The following PAM variants were observed in gnomAD, a reference collection of about 807,000 sequenced individuals.
PAM encodes peptidyl-glycine alpha-amidating monooxygenase.
In PAM, 72 loss-of-function variants were observed where a neutral mutation model predicts 122.1. The ratio of observed to expected loss-of-function variants is 0.59; its 90% CI spans 0.49 to 0.72. The LOEUF is 0.72. Among genes scored for constraint, PAM ranks in the 30% least tolerant of loss-of-function variants. PAM has a pLI of 0.00. For synonymous variants in PAM, 389 were observed against 404.4 expected (o/e 0.96, Z 0.46); for missense variants, 1,106 against 1,183.7 (o/e 0.93, Z 0.96).
At chr5:103,011,031 GA>G (rs1780440708) in intron 21 of PAM, among the ~76,000 whole-genome samples, 1 of 152,036 alleles carries the variant, frequency 6.6e-6, no homozygotes, top group Admixed American at 6.6e-5. Context: ...TATTCATTCT[GA>G]TTTTTTTAAA....
At chr5:102,788,067 C>T (rs1761046603) in intron 1 of PAM, among the ~76,000 whole-genome samples, 1 of 152,098 alleles carries the variant, frequency 6.6e-6, no homozygotes, top group East Asian at 1.9e-4. Flanking sequence ...CACTTGCACT[C>T]ACACAGCTCC....
chr5:102,815,465 T>A (rs1222569112), intron 1 of PAM, among the ~76,000 whole-genome samples: 3 of 152,176 alleles, frequency 2.0e-5, no homozygotes, highest in African/African-American at 7.2e-5. Context: ...ATTACTAGTT[T>A]ATCCTTTTCA....
At chr5:102,804,106 GA>G (rs986029343) in intron 1 of PAM, among the ~76,000 whole-genome samples, 1 of 152,126 alleles carries the variant, frequency 6.6e-6, no homozygotes, top group Admixed American at 6.5e-5. Flanking sequence ...CTGGAGGAGG[GA>G]AAGTATGGGG....
chr5:102,893,298 T>C (rs1467184654), intron 3 of PAM, among the ~76,000 whole-genome samples: 1 of 151,806 alleles, frequency 6.6e-6, no homozygotes, highest in Non-Finnish European at 1.5e-5. Context: ...GAATTTCTTT[T>C]ACTTCTTCCT....
intron 1 of PAM, among the ~76,000 whole-genome samples, chr5:102,809,444 G>A (rs1262858233): frequency 6.6e-6 from 1 of 151,454 alleles, no homozygotes; most frequent in Non-Finnish European, 1.5e-5. Flanking sequence ...TTAATTAATA[G>A]ATAGCTTTGC....
At chr5:102,959,691 T>C (rs566431414) in intron 12 of PAM, among the ~76,000 whole-genome samples, 184 bp from the exon 13 acceptor site, 9 of 152,286 alleles carry the variant, frequency 5.9e-5, no homozygotes, top group African/African-American at 2.2e-4. Flanking sequence ...AGTGGAAATA[T>C]GCCTTTGACA....
intron 1 of PAM, among the ~76,000 whole-genome samples, chr5:102,792,074 T>C (rs973001840): frequency 6.6e-6 from 1 of 152,316 alleles, no homozygotes; most frequent in Middle Eastern, 3.4e-3. Flanking sequence ...TTTGACAAAC[T>C]CTTTGATCCT....
chr5:102,891,079 A>G (rs1321978418), intron 3 of PAM, among the ~76,000 whole-genome samples: 2 of 151,938 alleles, frequency 1.3e-5, no homozygotes, highest in African/African-American at 2.4e-5. Flanking sequence ...AAATGACTCA[A>G]TGCTCTAGAG....
At chr5:103,019,203 A>G (rs573983462) in intron 22 of PAM, among the ~76,000 whole-genome samples, 2 of 152,330 alleles carry the variant, frequency 1.3e-5, no homozygotes, top group African/African-American at 4.8e-5. Flanking sequence ...AAGAAGAGGA[A>G]TAATATTATG....
At chr5:102,911,352 G>C (rs1801341234) in intron 4 of PAM, among the ~76,000 whole-genome samples, 1 of 151,826 alleles carries the variant, frequency 6.6e-6, no homozygotes, top group African/African-American at 2.4e-5. Flanking sequence ...TTTTGTGAAA[G>C]GAAACTCTGA....
intron 3 of PAM, among the ~76,000 whole-genome samples, chr5:102,883,026 A>G (rs556121555): frequency 4.5e-4 from 68 of 151,630 alleles, no homozygotes; most frequent in African/African-American, 1.6e-3. Context: ...TCAGTTGACT[A>G]TAAGTATTTG....
chr5:102,802,355 G>A (rs1453844215), intron 1 of PAM, among the ~76,000 whole-genome samples: 1 of 152,116 alleles, frequency 6.6e-6, no homozygotes, highest in Non-Finnish European at 1.5e-5. Flanking sequence ...TCTTGGGTGA[G>A]TTCAGAGCTA....
intron 1 of PAM, among the ~76,000 whole-genome samples, chr5:102,833,586 C>T (rs1467162209): frequency 1.3e-5 from 2 of 152,140 alleles, no homozygotes; most frequent in Non-Finnish European, 2.9e-5. Flanking sequence ...GTATGTTTGA[C>T]ACCAGGGCTC....
chr5:102,925,119 T>C, intron 6 of PAM, 77 bp downstream of exon 6: 2 of 803,920 alleles, frequency 2.5e-6, no homozygotes, highest in South Asian at 2.7e-5. Flanking sequence ...ATTATAGTCC[T>C]TTCTAACCAG....
intron 3 of PAM, among the ~76,000 whole-genome samples, chr5:102,899,179 G>T (rs1016551596): frequency 6.6e-6 from 1 of 151,504 alleles, no homozygotes; most frequent in Non-Finnish European, 1.5e-5. Flanking sequence ...CAAGTTGTAA[G>T]CCAAAAAATA....
intron 1 of PAM, among the ~76,000 whole-genome samples, chr5:102,769,190 TG>T (rs1447224730): frequency 6.6e-6 from 1 of 152,076 alleles, no homozygotes; most frequent in African/African-American, 2.4e-5. Flanking sequence ...ATTTTTTAAC[TG>T]GATTATCAGA....
At chr5:103,000,300 C>T (rs1777021730) in intron 16 of PAM, among the ~76,000 whole-genome samples, 1 of 152,178 alleles carries the variant, frequency 6.6e-6, no homozygotes, top group African/African-American at 2.4e-5. Flanking sequence ...ACCTTTATTC[C>T]AGTTCCTAGC....
intron 1 of PAM, among the ~76,000 whole-genome samples, chr5:102,840,294 T>C (rs887907834): frequency 3.9e-5 from 6 of 152,172 alleles, no homozygotes; most frequent in African/African-American, 1.4e-4. Context: ...AGTGTTTATA[T>C]TGATGAACAA....
At chr5:102,923,726 T>C (rs1035366753) in intron 5 of PAM, among the ~76,000 whole-genome samples, 4 of 152,184 alleles carry the variant, frequency 2.6e-5, no homozygotes, top group Non-Finnish European at 5.9e-5. Context: ...AACAGCCCTA[T>C]CACAGAGGTT....
Sources: allele counts gnomAD v4.1 joint callset (sites outside exome capture counted in the v4.1 genomes callset), GRCh38; gene constraint gnomAD v4.1.1; transcripts MANE v1.5; gene names NCBI Gene and HGNC (gene_info 2026-07-23, HGNC 2026-07-21).